ATOSB: variants seen among roughly 807,000 people sequenced by gnomAD.
The protein encoded by ATOSB is atos homolog protein B.
the ATOSB span, chr9:35,109,577 T>G: frequency 6.6e-6 from 1 of 152,364 alleles, no homozygotes; most frequent in East Asian, 1.9e-4. Context: ...GAAAGCCAGC[T>G]GCCCCCAGGG....
At chr9:35,105,648 G>C in the ATOSB span, 1 of 1,604,080 alleles carries the variant, frequency 6.2e-7, no homozygotes, top group African/African-American at 1.3e-5. This position sits in a 1 kb window ranked among gnomAD's most constrained non-coding sequence, Gnocchi z 5.5. Context: ...GGGATACCTG[G>C]GCCTCCCCAG....
chr9:35,107,756 C>A, the ATOSB span: 3 of 1,570,458 alleles, frequency 1.9e-6, no homozygotes, highest in Non-Finnish European at 2.6e-6. Flanking sequence ...GCCCTGGGGA[C>A]TCCCCCAGGG....
the ATOSB span, chr9:35,107,253 G>T: frequency 8.8e-7 from 1 of 1,141,872 alleles, no homozygotes. Flanking sequence ...AGCCTGGGAG[G>T]AGGAGGTTGC....
chr9:35,109,041 C>G, the ATOSB span: 1 of 152,084 alleles, frequency 6.6e-6, no homozygotes, highest in African/African-American at 2.4e-5. Flanking sequence ...ATGAGAGACC[C>G]CCAAGATCCA....
At chr9:35,105,860 A>G in the ATOSB span, 2 of 1,614,032 alleles carry the variant, frequency 1.2e-6, no homozygotes, top group Non-Finnish European at 1.7e-6. This position sits in a 1 kb window ranked among gnomAD's most constrained non-coding sequence, Gnocchi z 5.5. Flanking sequence ...AATAAGGTCT[A>G]GGGACAGGAC....
At chr9:35,105,099 G>A in the ATOSB span, 837 of 1,074,174 alleles carry the variant, frequency 7.8e-4, 4 homozygotes, top group African/African-American at 0.012. The surrounding 1 kb of genome is among the most constrained non-coding windows in gnomAD (Gnocchi z 5.5). Flanking sequence ...CCATTTGGGC[G>A]TGAGCATGGT....
the ATOSB span, chr9:35,105,996 A>G: frequency 6.2e-7 from 1 of 1,613,730 alleles, no homozygotes; most frequent in Non-Finnish European, 8.5e-7. This position sits in a 1 kb window ranked among gnomAD's most constrained non-coding sequence, Gnocchi z 5.5. Context: ...CAAGGGGTTC[A>G]GATCCACGAT....
the ATOSB span, chr9:35,108,153 C>T: frequency 4.4e-6 from 7 of 1,580,362 alleles, no homozygotes; most frequent in East Asian, 1.4e-4. Flanking sequence ...GGATGTCGCC[C>T]CCCCTGCTGG....
chr9:35,115,327 C>T, the ATOSB span, among the ~76,000 whole-genome samples: 2 of 152,046 alleles, frequency 1.3e-5, no homozygotes, highest in Admixed American at 1.3e-4. Context: ...CCACTAACCC[C>T]AACACCCTTG....
the ATOSB span, chr9:35,106,596 G>T: frequency 3.2e-6 from 5 of 1,566,040 alleles, no homozygotes; most frequent in Non-Finnish European, 3.5e-6. The surrounding 1 kb of genome is among the most constrained non-coding windows in gnomAD (Gnocchi z 4.6). Flanking sequence ...GGAGGCACTG[G>T]GGGGGCTCAG....
the ATOSB span, chr9:35,106,732 T>C: frequency 5.3e-5 from 78 of 1,472,272 alleles, 1 homozygote; most frequent in South Asian, 9.1e-4. This position sits in a 1 kb window ranked among gnomAD's most constrained non-coding sequence, Gnocchi z 4.6. Flanking sequence ...TGCCACTATG[T>C]AGGGCTTCTG....
chr9:35,105,830 C>G, the ATOSB span: 1 of 1,614,164 alleles, frequency 6.2e-7, no homozygotes, highest in Non-Finnish European at 8.5e-7. The surrounding 1 kb of genome is among the most constrained non-coding windows in gnomAD (Gnocchi z 5.5). Flanking sequence ...AACATCTTTA[C>G]CACAGTCTGG....
chr9:35,106,258 G>A, the ATOSB span: 1 of 1,613,690 alleles, frequency 6.2e-7, no homozygotes, highest in Non-Finnish European at 8.5e-7. This position sits in a 1 kb window ranked among gnomAD's most constrained non-coding sequence, Gnocchi z 4.6. Flanking sequence ...ATACCAGGAA[G>A]GGAGCCGGGG....
the ATOSB span, among the ~76,000 whole-genome samples, chr9:35,112,737 G>A: frequency 6.6e-6 from 1 of 152,132 alleles, no homozygotes; most frequent in Admixed American, 6.6e-5. Context: ...ACAGAAGCAG[G>A]AGGCAAACAC....
chr9:35,112,415 G>A, the ATOSB span: 3 of 152,212 alleles, frequency 2.0e-5, no homozygotes, highest in African/African-American at 7.2e-5. Context: ...CCCAACTCTT[G>A]TGATGGAGCT....
chr9:35,112,679 G>GC, the ATOSB span, among the ~76,000 whole-genome samples: 2 of 152,184 alleles, frequency 1.3e-5, no homozygotes, highest in Non-Finnish European at 1.5e-5. Flanking sequence ...GCACTTGTCA[G>GC]CAAGTCGGAT....
the ATOSB span, chr9:35,105,870 C>A: frequency 1.2e-6 from 2 of 1,613,960 alleles, no homozygotes; most frequent in Non-Finnish European, 1.7e-6. The surrounding 1 kb of genome is among the most constrained non-coding windows in gnomAD (Gnocchi z 5.5). Flanking sequence ...AGGGACAGGA[C>A]AGTCAAGGTT....
chr9:35,104,585 A>G, the ATOSB span: 31 of 388,858 alleles, frequency 8.0e-5, no homozygotes, highest in South Asian at 5.8e-4. Flanking sequence ...AAGCTTGTGC[A>G]CACACACATA....
At chr9:35,108,233 C>T in the ATOSB span, 32 of 1,577,870 alleles carry the variant, frequency 2.0e-5, no homozygotes, top group Admixed American at 2.3e-4. Flanking sequence ...GGCCAGCCTC[C>T]GGCTCTGAGG....
Sources: gnomAD v4.1 joint callset for allele counts (sites outside exome capture counted in the v4.1 genomes callset) on GRCh38, gnomAD v4.1.1 for gene constraint, Gnocchi (gnomAD v3.1) non-coding constraint, MANE v1.5 for transcripts, NCBI Gene and HGNC (gene_info 2026-07-23, HGNC 2026-07-21) for gene names.